The following TMEM161B variants were observed in gnomAD, a reference collection of about 807,000 sequenced individuals.
TMEM161B encodes the protein transmembrane protein 161B.
A neutral mutation model predicts 61.8 loss-of-function variants in TMEM161B; 34 were observed. That is an observed-to-expected ratio of 0.55 (90% confidence interval 0.42 to 0.73). TMEM161B has a LOEUF of 0.73. Ranked by LOEUF, TMEM161B falls within the 30% of genes least tolerant of loss-of-function variation. TMEM161B has a pLI of 0.00. For synonymous variants in TMEM161B, 167 were observed against 192.8 expected, an observed-to-expected ratio of 0.87 and a Z score of 1.11; for missense variants, 456 against 558.5, an observed-to-expected ratio of 0.82 and a Z score of 1.85.
At chr5:88,234,250 A>T (rs1751488887) in intron 2 of TMEM161B, among the ~76,000 whole-genome samples, 1 of 152,176 alleles carries the variant, frequency 6.6e-6, no homozygotes, top group Non-Finnish European at 1.5e-5. Flanking sequence ...ATTTAACCAG[A>T]GTTGTGGTTT....
chr5:88,214,929 AG>A lies in TMEM161B; in HGVS notation c.446+5633del, dbSNP rs1747542092. Among the ~76,000 whole-genome samples the A allele has an allele frequency of 2.6e-5, 4 of 152,228 alleles. No individual in the cohort carries two copies. In the South Asian group the frequency reaches 8.3e-4, roughly 32 times the overall value. On this transcript the variant is annotated intron_variant, in intron 5 of 11. Coordinates refer to ENST00000296595, the MANE Select transcript of TMEM161B (RefSeq NM_153354.5). ...AAGAGAAGACTCAGTTCTAGGTTTC[AG>A]GGTTCAAGGTTTTAGTGTCACAAAT...
At chr5:88,264,643 T>C (rs894357004) in intron 1 of TMEM161B, among the ~76,000 whole-genome samples, 2 of 152,176 alleles carry the variant, frequency 1.3e-5, no homozygotes, top group Non-Finnish European at 2.9e-5. Flanking sequence ...CACACGTATG[T>C]TTATTGCAGC....
At chr5:88,252,086 A>T (rs1252302105) in intron 1 of TMEM161B, among the ~76,000 whole-genome samples, 1 of 152,196 alleles carries the variant, frequency 6.6e-6, no homozygotes, top group Non-Finnish European at 1.5e-5. Flanking sequence ...GGTACTATGA[A>T]TATGGGTTGT....
Position 88,202,325 on chromosome 5 carries a change from TAC to T in TMEM161B, c.914+635_914+636del, listed in dbSNP as rs1744569990. The T allele has an allele frequency of 2.2e-4, 57 of 261,122 alleles. 1 individual carries two copies. The South Asian group carries it at 2.5e-3, about 12-fold the overall frequency. 16.2% of individuals were successfully genotyped at this position (261,122 alleles called of 1,614,324 possible). A position where few individuals can be genotyped will look rare whatever the true frequency, so the allele number is the denominator to read the frequency against. On this transcript the variant is annotated intron_variant, in intron 9 of 11. Coordinates refer to ENST00000296595, the MANE Select transcript of TMEM161B (RefSeq NM_153354.5). ...TCCTCACCATCTTCTTCTGCTAAAA[TAC>T]AGTTGCCTAACTGTAGAAATATAAA...
At chr5:88,192,566 C>T (rs1749062713), downstream of TMEM161B, among the ~76,000 whole-genome samples, 2 of 152,138 alleles carry the variant, frequency 1.3e-5, no homozygotes, top group Admixed American at 6.5e-5. Context: ...CAGCTCTAAA[C>T]CCAAGGTATG....
chr5:88,191,696 G>A (rs1453737490), downstream of TMEM161B, among the ~76,000 whole-genome samples: 1 of 151,778 alleles, frequency 6.6e-6, no homozygotes, highest in Non-Finnish European at 1.5e-5. Flanking sequence ...GGTGGCCCAC[G>A]CCTGTAATCC....
At chr5:88,190,330 T>A, downstream of TMEM161B, 4 of 692,472 alleles carry the variant, frequency 5.8e-6, no homozygotes, top group Non-Finnish European at 1.1e-5. Context: ...GTAGAAATAC[T>A]GGCCTAACAA....
intron 5 of TMEM161B, among the ~76,000 whole-genome samples, chr5:88,218,723 C>T (rs1457635133): frequency 6.6e-6 from 1 of 152,124 alleles, no homozygotes; most frequent in African/African-American, 2.4e-5. Context: ...ATTGGATTGG[C>T]AGCTGCAGTT....
At chr5:88,255,243 C>T (rs980159139) in intron 1 of TMEM161B, among the ~76,000 whole-genome samples, 6 of 152,076 alleles carry the variant, frequency 3.9e-5, no homozygotes, top group Non-Finnish European at 8.8e-5. Context: ...CATATAATGC[C>T]AAAGCTGATA....
At chr5:88,248,551 G>A (rs1042546480) in intron 1 of TMEM161B, among the ~76,000 whole-genome samples, 7 of 151,918 alleles carry the variant, frequency 4.6e-5, no homozygotes, top group Non-Finnish European at 8.8e-5. Context: ...TACAATTCTT[G>A]CGGTTCCATG....
chr5:88,204,384 G>A (rs1223017040), intron 8 of TMEM161B, among the ~76,000 whole-genome samples: 1 of 152,034 alleles, frequency 6.6e-6, no homozygotes, highest in Non-Finnish European at 1.5e-5. Flanking sequence ...TACTAAAAAG[G>A]ACACTAAAAT....
intron 1 of TMEM161B, among the ~76,000 whole-genome samples, chr5:88,252,490 G>A (rs184616350): frequency 3.3e-5 from 5 of 152,172 alleles, no homozygotes; most frequent in African/African-American, 7.2e-5. Context: ...GATAAATGTC[G>A]TTGAAACAAA....
chr5:88,257,512 C>T (rs1755137253), intron 1 of TMEM161B, among the ~76,000 whole-genome samples: 1 of 152,064 alleles, frequency 6.6e-6, no homozygotes, highest in African/African-American at 2.4e-5. Flanking sequence ...GAAGTAGTTC[C>T]GTCACTAACT....
chr5:88,262,097 A>T (rs1474246361), intron 1 of TMEM161B, among the ~76,000 whole-genome samples: 1 of 152,242 alleles, frequency 6.6e-6, no homozygotes, highest in Non-Finnish European at 1.5e-5. Context: ...ACCTGATTTT[A>T]AAAATGCACC....
chr5:88,211,626 C>T (rs977264013), intron 5 of TMEM161B, among the ~76,000 whole-genome samples: 22 of 148,354 alleles, frequency 1.5e-4, no homozygotes, highest in Admixed American at 5.3e-4. Flanking sequence ...GGCGTGGCGG[C>T]GGGCGCGGCG....
At chr5:88,268,056 AC>A (rs1274563238) in intron 1 of TMEM161B, among the ~76,000 whole-genome samples, 3 of 152,108 alleles carry the variant, frequency 2.0e-5, no homozygotes, top group Admixed American at 2.0e-4. Context: ...ACCCCTACCA[AC>A]AAAAGACAAA....
At chr5:88,221,714 T>C (rs750914526) in intron 4 of TMEM161B, 2 of 456,236 alleles carry the variant, frequency 4.4e-6, no homozygotes, top group South Asian at 3.1e-5. Flanking sequence ...GGTTTACTTC[T>C]ACCAGAGTGT....
chr5:88,195,787 C>G lies in TMEM161B; in HGVS notation c.*424G>C. 2 of 989,642 alleles carry G rather than the reference C, an allele frequency of 2.0e-6. No homozygotes were observed. Among genetic ancestry groups the G allele is most frequent in the East Asian group, 1.1e-4 (1 of 8,908 alleles). The allele number at this position is 989,642 out of a possible 1,614,324, so 61.3% of individuals were successfully genotyped here. Reference sequence around the variant, plus strand: ...AGAGACTTTAGCCCCTTTCCCTCCCCTAAAGCATGGCTCAGTTTGAAGATT... The same window carrying G: ...AGAGACTTTAGCCCCTTTCCCTCCCGTAAAGCATGGCTCAGTTTGAAGATT... On this transcript the variant is annotated 3_prime_UTR_variant, in exon 12 of 12. Coordinates refer to ENST00000296595, the MANE Select transcript of TMEM161B (RefSeq NM_153354.5).
chr5:88,239,151 A>T (rs1344856982), intron 2 of TMEM161B, among the ~76,000 whole-genome samples: 1 of 152,002 alleles, frequency 6.6e-6, no homozygotes, highest in African/African-American at 2.4e-5. Context: ...ATTAATAAAG[A>T]TAATCAGCTT....
Sources: gnomAD v4.1 joint callset for allele counts (sites outside exome capture counted in the v4.1 genomes callset) on GRCh38, gnomAD v4.1.1 for gene constraint, MANE v1.5 for transcripts, NCBI Gene and HGNC (gene_info 2026-07-23, HGNC 2026-07-21) for gene names.